The following MCHR2 variants were observed in gnomAD, a reference collection of about 807,000 sequenced individuals.
The protein encoded by MCHR2 is melanin concentrating hormone receptor 2.
A neutral mutation model predicts 24.8 loss-of-function variants in MCHR2; 15 were observed. The observed-to-expected ratio is 0.60, with a 90% CI of 0.40 to 0.93. The LOEUF (loss-of-function observed/expected upper bound fraction) is 0.93. MCHR2 is among the 40% of genes least tolerant of loss of function. The pLI is 0.00. For synonymous variants in MCHR2, 151 were observed against 147.6 expected (o/e 1.02, Z -0.17); for missense variants, 386 against 408.7 (o/e 0.94, Z 0.48).
intron 1 of MCHR2, among the ~76,000 whole-genome samples, chr6:99,985,054 A>T (rs1775746285): frequency 6.6e-6 from 1 of 152,166 alleles, no homozygotes; most frequent in Admixed American, 6.5e-5. Context: ...GAACCAAATC[A>T]AGAACTCAAT....
At chr6:99,974,008 C>A (rs1223595063) in intron 1 of MCHR2, among the ~76,000 whole-genome samples, 1 of 152,156 alleles carries the variant, frequency 6.6e-6, no homozygotes, top group Non-Finnish European at 1.5e-5. Context: ...TCCTTCATTT[C>A]AACTTTGGTG....
At chr6:99,934,342 A>G in intron 5 of MCHR2, 56 bp downstream of exon 5, 2 of 1,428,268 alleles carry the variant, frequency 1.4e-6, no homozygotes, top group Non-Finnish European at 1.8e-6. Flanking sequence ...TCTATTGTAG[A>G]TGTCTTAGGC....
At chr6:99,927,426 C>A (rs1774392584) in intron 5 of MCHR2, among the ~76,000 whole-genome samples, 1 of 152,098 alleles carries the variant, frequency 6.6e-6, no homozygotes, top group African/African-American at 2.4e-5. Context: ...TTACCTTGGG[C>A]AGTTTGGCCA....
intron 3 of MCHR2, among the ~76,000 whole-genome samples, chr6:99,946,541 A>G (rs1774874252): frequency 1.3e-5 from 2 of 152,174 alleles, no homozygotes; most frequent in South Asian, 4.1e-4. Context: ...ATACCCTTCA[A>G]GACATTCATT....
intron 2 of MCHR2, among the ~76,000 whole-genome samples, chr6:99,953,311 C>T (rs1051245014): frequency 3.9e-5 from 6 of 152,056 alleles, no homozygotes; most frequent in Admixed American, 6.6e-5. Context: ...CTAATAAGGA[C>T]CTGGTTTTTC....
chr6:99,934,689 C>T (rs1774621534), intron 4 of MCHR2, among the ~76,000 whole-genome samples, 172 bp from the exon 5 acceptor site: 2 of 152,018 alleles, frequency 1.3e-5, no homozygotes, highest in South Asian at 4.1e-4. Flanking sequence ...TGTAGAGAAG[C>T]CCTGATCTTC....
At chr6:99,943,657 A>T (rs908348399) in intron 3 of MCHR2, among the ~76,000 whole-genome samples, 4 of 152,136 alleles carry the variant, frequency 2.6e-5, no homozygotes, top group African/African-American at 9.7e-5. Flanking sequence ...CCTACAAAGG[A>T]CATGAAAGTT....
intron 4 of MCHR2, among the ~76,000 whole-genome samples, chr6:99,942,689 T>C (rs1488188527): frequency 6.6e-6 from 1 of 152,166 alleles, no homozygotes; most frequent in African/African-American, 2.4e-5. Context: ...CTGGCTGCTA[T>C]GAATGTTTAA....
intron 1 of MCHR2, among the ~76,000 whole-genome samples, chr6:99,990,536 T>G (rs1211756163): frequency 6.6e-6 from 1 of 152,184 alleles, no homozygotes; most frequent in African/African-American, 2.4e-5. Context: ...TGTATGTTAA[T>G]TAAGTAAAAT....
At chr6:99,964,010 A>G (rs1775247473) in intron 1 of MCHR2, among the ~76,000 whole-genome samples, 1 of 152,152 alleles carries the variant, frequency 6.6e-6, no homozygotes, top group African/African-American at 2.4e-5. Context: ...CCAGCTGGTG[A>G]ATAAACATAT....
intron 5 of MCHR2, among the ~76,000 whole-genome samples, chr6:99,921,697 C>G (rs923441334): frequency 6.6e-6 from 1 of 152,158 alleles, no homozygotes; most frequent in African/African-American, 2.4e-5. Context: ...GTTGTGCTAT[C>G]AAATGCTAGG....
At chr6:99,986,715 G>C (rs1264070362) in intron 1 of MCHR2, among the ~76,000 whole-genome samples, 1 of 151,682 alleles carries the variant, frequency 6.6e-6, no homozygotes, top group Non-Finnish European at 1.5e-5. Context: ...ATTCCTATAG[G>C]GTACAATATA....
rs1364501290 is a variant in MCHR2 at position 99,943,049 on chromosome 6, T to A, written c.487A>T (p.Ile163Phe). ...TAGACCCAGACAGGCAATGCCAGGA[T>A]AAAGGAAGCTGCCCAAAGGCCCAAA... ...INLGLWAASF[I>F]LALPVWVYSK... Residue 163 changes from isoleucine (I) to phenylalanine (F), a missense_variant, in exon 4 of 6, where the codon ATC becomes TTC. Coordinates refer to ENST00000281806, the MANE Select transcript of MCHR2 (RefSeq NM_001040179.2). 6.2e-7 allele frequency: 1 copy of A among 1,613,060 alleles called. No homozygotes were observed. The highest frequency in any genetic ancestry group is 1.7e-5 in the Admixed American group (1 of 59,898).
chr6:99,929,798 C>T, intron 5 of MCHR2, among the ~76,000 whole-genome samples: 1 of 150,828 alleles, frequency 6.6e-6, no homozygotes, highest in Non-Finnish European at 1.5e-5. Context: ...ATCCAATTTG[C>T]CAGTCTGTGT....
intron 1 of MCHR2, among the ~76,000 whole-genome samples, chr6:99,969,607 G>A (rs936752388): frequency 8.7e-5 from 13 of 150,254 alleles, no homozygotes; most frequent in African/African-American, 2.9e-4. Context: ...TAGGGTTCAT[G>A]TGCACAATGT....
intron 4 of MCHR2, among the ~76,000 whole-genome samples, chr6:99,937,193 A>G (rs149515189): frequency 6.6e-6 from 1 of 151,772 alleles, no homozygotes; most frequent in Admixed American, 6.6e-5. Context: ...TTGAATGCCC[A>G]TTATTTCTTT....
intron 5 of MCHR2, among the ~76,000 whole-genome samples, chr6:99,927,164 C>G (rs1250141938): frequency 1.3e-5 from 2 of 152,102 alleles, no homozygotes; most frequent in East Asian, 3.9e-4. Flanking sequence ...AGTGTTATTT[C>G]TGAGGGCTCT....
At chr6:99,931,319 A>C (rs995697496) in intron 5 of MCHR2, among the ~76,000 whole-genome samples, 2 of 152,206 alleles carry the variant, frequency 1.3e-5, no homozygotes, top group Non-Finnish European at 2.9e-5. Flanking sequence ...CAGTCTGCCC[A>C]TTCTCAGATC....
At chr6:99,925,838 T>G (rs1186798140) in intron 5 of MCHR2, among the ~76,000 whole-genome samples, 1 of 151,270 alleles carries the variant, frequency 6.6e-6, no homozygotes, top group Non-Finnish European at 1.5e-5. Flanking sequence ...TATTTTTTAT[T>G]TTATTATTAT....
Sources: gnomAD v4.1 joint callset for allele counts (sites outside exome capture counted in the v4.1 genomes callset) on GRCh38, gnomAD v4.1.1 for gene constraint, MANE v1.5 for transcripts, NCBI Gene and HGNC (gene_info 2026-07-23, HGNC 2026-07-21) for gene names.